PPP1R14C: variants seen among roughly 807,000 people sequenced by gnomAD.
PPP1R14C encodes the protein protein phosphatase 1 regulatory inhibitor subunit 14C.
PPP1R14C carries 16 observed loss-of-function variants against 20.4 expected under a neutral mutation model. The observed-to-expected ratio is 0.78, with a 90% CI of 0.53 to 1.19. The LOEUF (loss-of-function observed/expected upper bound fraction) is 1.19. PPP1R14C is among the 50% of genes most tolerant of loss of function. PPP1R14C has a pLI of 0.00. For missense variants in PPP1R14C, 211 were observed against 220.1 expected (o/e 0.96, Z 0.26); for synonymous variants, 91 against 91.0 (o/e 1.00, Z 0.00).
chr6:150,183,826 G>A (rs1777648126), intron 1 of PPP1R14C, among the ~76,000 whole-genome samples: 1 of 152,240 alleles, frequency 6.6e-6, no homozygotes. Context: ...CATTTCTTAA[G>A]ATGAGCAAGT....
At chr6:150,200,540 G>T (rs1777864390) in intron 1 of PPP1R14C, among the ~76,000 whole-genome samples, 1 of 152,158 alleles carries the variant, frequency 6.6e-6, no homozygotes, top group Non-Finnish European at 1.5e-5. Flanking sequence ...AGAGACTGGA[G>T]CAGGAGACAC....
intron 1 of PPP1R14C, among the ~76,000 whole-genome samples, chr6:150,151,928 GGC>G (rs1777252528): frequency 2.6e-5 from 4 of 151,898 alleles, no homozygotes; most frequent in Non-Finnish European, 5.9e-5. Flanking sequence ...AGACCATCCC[GGC>G]TAAAAAGGTG....
At chr6:150,224,509 G>A (rs572286634) in intron 3 of PPP1R14C, among the ~76,000 whole-genome samples, 212 of 152,144 alleles carry the variant, frequency 1.4e-3, no homozygotes, top group African/African-American at 4.6e-3. Context: ...TATTTCTGTC[G>A]AGATATCCTC....
intron 1 of PPP1R14C, among the ~76,000 whole-genome samples, chr6:150,198,159 C>T (rs113922080): frequency 9.8e-5 from 13 of 132,520 alleles, no homozygotes; most frequent in South Asian, 5.1e-4. Flanking sequence ...CTGCCCTTCA[C>T]GGTGGAGGAG....
chr6:150,178,483 G>C (rs1483554306), intron 1 of PPP1R14C, among the ~76,000 whole-genome samples: 1 of 152,220 alleles, frequency 6.6e-6, no homozygotes, highest in African/African-American at 2.4e-5. Flanking sequence ...CTAATATGCA[G>C]GGCCAGCCTT....
chr6:150,238,401 AG>A (rs1778389133), intron 3 of PPP1R14C, among the ~76,000 whole-genome samples: 1 of 152,162 alleles, frequency 6.6e-6, no homozygotes, highest in South Asian at 2.1e-4. Flanking sequence ...GAGGAAGGAA[AG>A]GGAGGGAGCT....
chr6:150,148,544 C>T (rs17079358), intron 1 of PPP1R14C, among the ~76,000 whole-genome samples: 4,441 of 152,300 alleles, frequency 0.029, 229 homozygotes, highest in African/African-American at 0.1. Context: ...TCTCCTTTTA[C>T]ATGCAGATCC....
chr6:150,223,580 A>T (rs1211573230), intron 3 of PPP1R14C, among the ~76,000 whole-genome samples: 1 of 151,986 alleles, frequency 6.6e-6, no homozygotes, highest in Non-Finnish European at 1.5e-5. Flanking sequence ...TTTAATTTGC[A>T]TTTCTCTGGT....
chr6:150,193,352 TG>T (rs1482257944), intron 1 of PPP1R14C, among the ~76,000 whole-genome samples: 3 of 151,276 alleles, frequency 2.0e-5, no homozygotes, highest in Non-Finnish European at 4.4e-5. Flanking sequence ...CCTATGTCAG[TG>T]GTCCCCAAAT....
At chr6:150,206,956 C>T (rs1777959884) in intron 1 of PPP1R14C, among the ~76,000 whole-genome samples, 1 of 151,878 alleles carries the variant, frequency 6.6e-6, no homozygotes, top group Non-Finnish European at 1.5e-5. Flanking sequence ...CCTCTGCCTC[C>T]CGAGTTCCTG....
intron 1 of PPP1R14C, among the ~76,000 whole-genome samples, chr6:150,163,218 C>T (rs550333098): frequency 4.7e-4 from 71 of 152,230 alleles, no homozygotes; most frequent in Middle Eastern, 6.8e-3. Flanking sequence ...GGTGAAACCC[C>T]GTTTCTACTA....
chr6:150,220,543 T>C (rs1338036573), intron 3 of PPP1R14C, among the ~76,000 whole-genome samples: 4 of 152,312 alleles, frequency 2.6e-5, no homozygotes, highest in African/African-American at 9.6e-5. Flanking sequence ...GAACATGTAA[T>C]ATGGGAGTGG....
At chr6:150,179,453 C>T (rs1469295606) in intron 1 of PPP1R14C, among the ~76,000 whole-genome samples, 2 of 150,146 alleles carry the variant, frequency 1.3e-5, no homozygotes, top group African/African-American at 5.0e-5. Context: ...GAGGGTCGGC[C>T]ATGAAGACTT....
intron 3 of PPP1R14C, among the ~76,000 whole-genome samples, chr6:150,238,150 A>G (rs145627627): frequency 0.012 from 1,802 of 152,290 alleles, 15 homozygotes; most frequent in Middle Eastern, 0.044. Context: ...CTTAGGTAGT[A>G]TTTTGAGACA....
At chr6:150,157,246 C>T (rs1182407892) in intron 1 of PPP1R14C, among the ~76,000 whole-genome samples, 5 of 152,144 alleles carry the variant, frequency 3.3e-5, no homozygotes, top group African/African-American at 1.2e-4. Context: ...ACCACAACTC[C>T]GAGGATGTGA....
At chr6:150,174,542 C>A (rs868033019) in intron 1 of PPP1R14C, among the ~76,000 whole-genome samples, 1 of 151,674 alleles carries the variant, frequency 6.6e-6, no homozygotes, top group East Asian at 1.9e-4. Context: ...CTTCTCAATT[C>A]GACTGTAAGC....
At chr6:150,183,604 C>T (rs982884361) in intron 1 of PPP1R14C, among the ~76,000 whole-genome samples, 4 of 151,944 alleles carry the variant, frequency 2.6e-5, no homozygotes, top group South Asian at 2.1e-4. Flanking sequence ...CTCCACTGTC[C>T]GAGTTTAAGC....
chr6:150,155,816 G>C (rs1459364360), intron 1 of PPP1R14C, among the ~76,000 whole-genome samples: 1 of 151,834 alleles, frequency 6.6e-6, no homozygotes, highest in Non-Finnish European at 1.5e-5. Context: ...CTTGAGGTCA[G>C]GAGTTTGAGA....
At chr6:150,230,100 C>T (rs889133906) in intron 3 of PPP1R14C, among the ~76,000 whole-genome samples, 4 of 152,140 alleles carry the variant, frequency 2.6e-5, no homozygotes, top group Non-Finnish European at 2.9e-5. Flanking sequence ...CTAGCTGGTT[C>T]TTTGGGTGAG....
Sources: gnomAD v4.1 joint callset for allele counts (sites outside exome capture counted in the v4.1 genomes callset) on GRCh38, gnomAD v4.1.1 for gene constraint, MANE v1.5 for transcripts, NCBI Gene and HGNC (gene_info 2026-07-23, HGNC 2026-07-21) for gene names.